The following TRAK1 variants were observed in gnomAD, a reference collection of about 807,000 sequenced individuals.
TRAK1 encodes the protein trafficking kinesin protein 1.
In TRAK1, 33 loss-of-function variants were observed where a neutral mutation model predicts 92.1. That is an observed-to-expected ratio of 0.36 (90% CI 0.27 to 0.48). The LOEUF is 0.48. TRAK1 is among the 20% of genes least tolerant of loss of function. The probability of loss-of-function intolerance (pLI) is 0.99; values close to 1 mark genes in which losing one functional copy is unlikely to be tolerated. For synonymous variants in TRAK1, 521 were observed against 517.3 expected, an observed-to-expected ratio of 1.01 and a Z score of -0.10; for missense variants, 1,123 against 1,257.9, an observed-to-expected ratio of 0.89 and a Z score of 1.62.
chr3:42,046,297 T>C (rs1406499142), intron 1 of TRAK1, among the ~76,000 whole-genome samples: 1 of 151,914 alleles, frequency 6.6e-6, no homozygotes. Flanking sequence ...CTTTGCAATT[T>C]TATATCTTTT....
At chr3:42,207,132 C>T (rs1366817624) in intron 13 of TRAK1, among the ~76,000 whole-genome samples, 1 of 152,178 alleles carries the variant, frequency 6.6e-6, no homozygotes, top group Non-Finnish European at 1.5e-5. Context: ...CCATATTGTA[C>T]ATGGGGTTTT....
chr3:42,094,049 C>A (rs1321865505), intron 1 of TRAK1, among the ~76,000 whole-genome samples: 1 of 151,912 alleles, frequency 6.6e-6, no homozygotes. Context: ...TTGTTCACCC[C>A]AAACTATTTT....
At chr3:42,073,318 A>G (rs2148940448) in intron 1 of TRAK1, among the ~76,000 whole-genome samples, 1 of 152,214 alleles carries the variant, frequency 6.6e-6, no homozygotes, top group South Asian at 2.1e-4. Context: ...GCTCGTCTAA[A>G]TCTTTCTTAT....
intron 1 of TRAK1, among the ~76,000 whole-genome samples, chr3:42,032,060 C>T (rs978262960): frequency 1.3e-5 from 2 of 152,282 alleles, no homozygotes; most frequent in African/African-American, 4.8e-5. Context: ...TCAGCTCCTT[C>T]ACCCGCAGGC....
chr3:42,111,939 G>T (rs1359579307), intron 1 of TRAK1, among the ~76,000 whole-genome samples: 2 of 145,544 alleles, frequency 1.4e-5, no homozygotes, highest in Non-Finnish European at 3.0e-5. Context: ...TTCAAATCTA[G>T]AAAAGAGTTT....
At chr3:42,141,494 T>C (rs1348474314) in intron 2 of TRAK1, among the ~76,000 whole-genome samples, 2 of 152,184 alleles carry the variant, frequency 1.3e-5, no homozygotes, top group African/African-American at 2.4e-5. Flanking sequence ...GTTAGATTCC[T>C]AGGGCTGCCG....
rs773517949 is a variant in TRAK1, at chr3:42,223,160, C to T, written c.2285C>T (p.Ala762Val). 2.5e-6 allele frequency: 4 copies of T among 1,614,046 alleles called. No homozygotes were observed. The Admixed American group carries it at 6.7e-5, about 27-fold the overall frequency. Residue 762 changes from alanine to valine, a missense_variant, in exon 16 of 16, where the codon GCC becomes GTC. Around this residue, in one of 3 missense-constraint regions of TRAK1, gnomAD observed 401 missense variants for 438.9 expected, o/e 0.91. Coordinates refer to ENST00000327628, the MANE Select transcript of TRAK1 (RefSeq NM_001042646.3). This position sits in a 1 kb window ranked among gnomAD's most constrained non-coding sequence, Gnocchi z 6.1. ...AVYDPQSWDRAGRGSLLHSYT... is the reference protein window; with the variant it reads ...AVYDPQSWDRVGRGSLLHSYT... ...TACGACCCCCAGAGCTGGGACAGGG[C>T]CGGCCGGGGCTCCCTCCTGCACTCC...
chr3:42,223,165 C>G lies in TRAK1; in HGVS notation c.2290C>G (p.Arg764Gly), dbSNP rs918707383. 3 of 1,613,896 alleles carry G rather than the reference C, an allele frequency of 1.9e-6. No homozygotes were observed. Among genetic ancestry groups the G allele is most frequent in the Non-Finnish European group, 2.5e-6 (3 of 1,180,002 alleles). The change falls in exon 16 of 16, where the codon CGG (arginine) becomes GGG (glycine). Residue 764 changes from arginine (R) to glycine (G), a missense_variant. Physicochemically the swap from Arg to Gly is moderately radical, Grantham distance 125. Transcript: ENST00000327628. This position sits in a 1 kb window ranked among gnomAD's most constrained non-coding sequence, Gnocchi z 6.1. ...YDPQSWDRAG[R>G]GSLLHSYTPK... is the part of the protein sequence containing the mutation. ...CCCCCAGAGCTGGGACAGGGCCGGC[C>G]GGGGCTCCCTCCTGCACTCCTACAC...
rs369997765 is a variant in TRAK1 at position 42,160,371 on chromosome 3, C to G, written c.287-16443C>G. 5.6e-6 allele frequency: 9 copies of G among 1,613,946 alleles called. No homozygotes were observed. The East Asian group carries it at 2.0e-4, about 36-fold the overall frequency. On this transcript the variant is annotated intron_variant, in intron 2 of 15. Transcript: ENST00000327628. ...TGGGGTGACTTCAGCAATGTCCCTGCGAGACAAGGGCGGGGAAGAAGAATG... is the reference window on the plus strand; with the variant it reads ...TGGGGTGACTTCAGCAATGTCCCTGGGAGACAAGGGCGGGGAAGAAGAATG...
chr3:42,035,372 AC>A (rs1477635882), intron 1 of TRAK1, among the ~76,000 whole-genome samples: 2 of 152,000 alleles, frequency 1.3e-5, no homozygotes, highest in African/African-American at 4.8e-5. Context: ...CTTGGTTCAG[AC>A]CTGTCTCCTG....
chr3:42,085,784 T>C (rs1704642671), upstream of TRAK1, among the ~76,000 whole-genome samples: 1 of 152,250 alleles, frequency 6.6e-6, no homozygotes, highest in African/African-American at 2.4e-5. Context: ...GCATTTTTAT[T>C]TAAATGATTC....
In TRAK1 at chr3:42,209,736, C is replaced by T. The variant is rs894321670; in HGVS notation, c.1745-31C>T. On this transcript the variant is annotated intron_variant, in intron 13 of 15. Transcript: ENST00000327628. ...CATCCTAACCCTCTCTTCTCCTTGT[C>T]CCCCTTCTTCCCTTCCCTTTCTCCT... 3.1e-6 allele frequency: 5 copies of T among 1,597,514 alleles called. No individual in the cohort carries two copies. In the African/African-American group the frequency reaches 4.0e-5, roughly 13 times the overall value.
intron 1 of TRAK1, among the ~76,000 whole-genome samples, chr3:42,018,806 G>A (rs1486154892): frequency 6.6e-6 from 1 of 152,168 alleles, no homozygotes; most frequent in Non-Finnish European, 1.5e-5. Flanking sequence ...TTACATAGAT[G>A]CAGGTTGATT....
intron 1 of TRAK1, among the ~76,000 whole-genome samples, chr3:42,098,544 G>A (rs895049373): frequency 6.6e-6 from 1 of 152,202 alleles, no homozygotes; most frequent in Non-Finnish European, 1.5e-5. Context: ...TTCTGTGGAG[G>A]GAACCTGACC....
chr3:42,097,051 C>G (rs1238358270), intron 1 of TRAK1, among the ~76,000 whole-genome samples: 3 of 152,210 alleles, frequency 2.0e-5, no homozygotes, highest in Admixed American at 2.0e-4. Context: ...GTCCCCTCCC[C>G]TGCTTTGAAA....
chr3:42,154,036 T>C (rs1414658890), intron 2 of TRAK1, among the ~76,000 whole-genome samples: 1 of 152,208 alleles, frequency 6.6e-6, no homozygotes, highest in Non-Finnish European at 1.5e-5. Context: ...CTGGCTATAG[T>C]AAAATAGAGA....
At chr3:42,154,915 C>G (rs552374077) in intron 2 of TRAK1, among the ~76,000 whole-genome samples, 1 of 151,814 alleles carries the variant, frequency 6.6e-6, no homozygotes, top group Non-Finnish European at 1.5e-5. Context: ...CTGAACCAGA[C>G]CTTGAAAGAT....
chr3:42,203,764 C>T, intron 13 of TRAK1: 2 of 900,350 alleles, frequency 2.2e-6, no homozygotes. Flanking sequence ...TTTTCCTAAT[C>T]ACCCCCCAAA....
At chr3:42,201,180 C>G (rs919910573) in intron 12 of TRAK1, 126 bp downstream of exon 12, 2 of 1,062,532 alleles carry the variant, frequency 1.9e-6, no homozygotes, top group Middle Eastern at 2.5e-4. Context: ...CAGACCTGGC[C>G]GGGCGTGGTG....
Sources: gnomAD v4.1 joint callset for allele counts (sites outside exome capture counted in the v4.1 genomes callset) on GRCh38, gnomAD v4.1.1 for gene constraint, gnomAD v4.1.1 regional missense constraint, Gnocchi (gnomAD v3.1) non-coding constraint, MANE v1.5 for transcripts, NCBI Gene and HGNC (gene_info 2026-07-23, HGNC 2026-07-21) for gene names.